Variants in IMMP2L observed in about 807,000 individuals in gnomAD.
IMMP2L encodes inner mitochondrial membrane peptidase subunit 2, also known as mitochondrial inner membrane protease subunit 2.
A neutral mutation model predicts 19.3 loss-of-function variants in IMMP2L; 18 were observed. The observed-to-expected ratio is 0.93, with a 90% CI of 0.64 to 1.38. The LOEUF (loss-of-function observed/expected upper bound fraction) is 1.38, where lower values mean the gene tolerates loss of function less well. Among genes scored for constraint, IMMP2L ranks in the 40% most tolerant of loss-of-function variants. IMMP2L has a pLI of 0.00. For synonymous variants in IMMP2L, 76 were observed against 73.0 expected, an observed-to-expected ratio of 1.04 and a Z score of -0.21; for missense variants, 233 against 218.2, an observed-to-expected ratio of 1.07 and a Z score of -0.43.
At chr7:111,401,704 T>C (rs894382267) in intron 3 of IMMP2L, among the ~76,000 whole-genome samples, 15 of 152,098 alleles carry the variant, frequency 9.9e-5, no homozygotes, top group African/African-American at 2.9e-4. Context: ...AAGCAAGTCA[T>C]GGTCATACTG....
chr7:111,029,401 A>T (rs1018475289), intron 3 of IMMP2L, among the ~76,000 whole-genome samples: 5 of 152,288 alleles, frequency 3.3e-5, no homozygotes, highest in Middle Eastern at 6.8e-3. Flanking sequence ...ATTGGAGGTG[A>T]AAAAATGGAA....
At chr7:110,916,350 C>T (rs1813611604) in intron 4 of IMMP2L, among the ~76,000 whole-genome samples, 1 of 152,126 alleles carries the variant, frequency 6.6e-6, no homozygotes, top group Admixed American at 6.6e-5. Context: ...AACATTTTGT[C>T]TACTTTTTCT....
At chr7:110,896,188 T>G (rs540638836) in intron 4 of IMMP2L, among the ~76,000 whole-genome samples, 1 of 152,216 alleles carries the variant, frequency 6.6e-6, no homozygotes, top group Non-Finnish European at 1.5e-5. Context: ...ATAGTAAAAA[T>G]ACTATTGTAA....
At chr7:111,130,289 A>G (rs1233433117) in intron 3 of IMMP2L, among the ~76,000 whole-genome samples, 1 of 152,144 alleles carries the variant, frequency 6.6e-6, no homozygotes. Flanking sequence ...CACAATTTCA[A>G]AATTATTGAG....
chr7:110,665,956 C>T (rs1412097928), intron 5 of IMMP2L, among the ~76,000 whole-genome samples: 3 of 152,090 alleles, frequency 2.0e-5, no homozygotes, highest in Non-Finnish European at 2.9e-5. Flanking sequence ...TCTATTCCTT[C>T]TTTTGCATTT....
At chr7:111,337,012 C>T (rs969195318) in intron 3 of IMMP2L, among the ~76,000 whole-genome samples, 4 of 151,976 alleles carry the variant, frequency 2.6e-5, no homozygotes, top group African/African-American at 9.7e-5. Flanking sequence ...TTTCTCAACT[C>T]CAACTTTAAA....
At chr7:111,200,098 T>G (rs548909274) in intron 3 of IMMP2L, among the ~76,000 whole-genome samples, 1 of 152,230 alleles carries the variant, frequency 6.6e-6, no homozygotes, top group East Asian at 1.9e-4. Flanking sequence ...GAGTTATTTT[T>G]ATTGTACATA....
intron 3 of IMMP2L, among the ~76,000 whole-genome samples, chr7:111,381,723 GTGAC>G (rs1306390561): frequency 1.3e-5 from 2 of 151,926 alleles, no homozygotes; most frequent in Non-Finnish European, 2.9e-5. Flanking sequence ...GCAGGACTTG[GTGAC>G]TGACTGAGTA....
intron 5 of IMMP2L, among the ~76,000 whole-genome samples, chr7:110,743,260 A>G (rs1297837475): frequency 1.3e-5 from 2 of 152,298 alleles, no homozygotes; most frequent in African/African-American, 4.8e-5. Context: ...AGTCAATTTG[A>G]CTTCATGTGG....
chr7:111,422,518 T>C (rs1835668338), intron 3 of IMMP2L, among the ~76,000 whole-genome samples: 1 of 151,860 alleles, frequency 6.6e-6, no homozygotes, highest in South Asian at 2.1e-4. Flanking sequence ...TTTGGCTCTC[T>C]GTTTGTTAAT....
intron 2 of IMMP2L, among the ~76,000 whole-genome samples, chr7:111,500,163 G>A (rs10230581): frequency 0.017 from 2,638 of 152,242 alleles, 83 homozygotes; most frequent in African/African-American, 0.06. Flanking sequence ...ATTATATCCC[G>A]CACCTGGCTC....
chr7:110,726,579 G>A (rs1795898478), intron 5 of IMMP2L, among the ~76,000 whole-genome samples: 1 of 152,158 alleles, frequency 6.6e-6, no homozygotes. Flanking sequence ...AAATTAAAAA[G>A]GGGAACTTAT....
At chr7:110,753,713 G>GGTAA (rs1188889628) in intron 5 of IMMP2L, among the ~76,000 whole-genome samples, 2 of 151,312 alleles carry the variant, frequency 1.3e-5, no homozygotes, top group Non-Finnish European at 3.0e-5. Flanking sequence ...TGGCCAAAAA[G>GGTAA]GTAAGAGGCT....
chr7:111,299,931 T>C (rs201831425), intron 3 of IMMP2L, among the ~76,000 whole-genome samples: 1 of 32,518 alleles, frequency 3.1e-5, no homozygotes, highest in Non-Finnish European at 5.4e-5. Context: ...TAACTACAAG[T>C]AAGGAAAGTA....
At chr7:110,701,841 C>T (rs576977705) in intron 5 of IMMP2L, among the ~76,000 whole-genome samples, 1 of 152,170 alleles carries the variant, frequency 6.6e-6, no homozygotes, top group Non-Finnish European at 1.5e-5. Flanking sequence ...GCTCTAACAC[C>T]AGATTTCCTA....
At chr7:111,046,856 T>G (rs1792447179) in intron 3 of IMMP2L, among the ~76,000 whole-genome samples, 2 of 152,166 alleles carry the variant, frequency 1.3e-5, no homozygotes, top group African/African-American at 4.8e-5. Context: ...GAGCAATGAC[T>G]GAGTACTCGG....
chr7:111,048,958 G>A (rs550552306), intron 3 of IMMP2L, among the ~76,000 whole-genome samples: 11 of 152,134 alleles, frequency 7.2e-5, no homozygotes, highest in Non-Finnish European at 7.4e-5. Flanking sequence ...TGTGCATTAA[G>A]TGGACCCAGA....
chr7:111,440,441 C>A (rs979528293), intron 3 of IMMP2L, among the ~76,000 whole-genome samples: 1 of 151,860 alleles, frequency 6.6e-6, no homozygotes, highest in Non-Finnish European at 1.5e-5. Flanking sequence ...CATCAGAGCT[C>A]TTGGGTGACC....
chr7:111,429,579 T>C (rs2131672265), intron 3 of IMMP2L, among the ~76,000 whole-genome samples: 1 of 151,968 alleles, frequency 6.6e-6, no homozygotes, highest in South Asian at 2.1e-4. Flanking sequence ...ATAGAATTCC[T>C]GATTTCATAT....
Sources: allele counts gnomAD v4.1 joint callset (sites outside exome capture counted in the v4.1 genomes callset), GRCh38; gene constraint gnomAD v4.1.1; transcripts MANE v1.5; gene names NCBI Gene and HGNC (gene_info 2026-07-23, HGNC 2026-07-21).